The following ITGBL1 variants were observed in gnomAD, a reference collection of about 807,000 sequenced individuals.
ITGBL1 encodes integrin beta-like protein 1.
Under a neutral mutation model 68.5 loss-of-function variants are expected in ITGBL1, and 51 were observed. The observed-to-expected ratio is 0.74, with a 90% CI of 0.59 to 0.94. The LOEUF is 0.94. Among genes scored for constraint, ITGBL1 ranks in the 40% least tolerant of loss-of-function variants. The pLI is 0.00. For missense variants in ITGBL1, 649 were observed against 647.4 expected, an observed-to-expected ratio of 1.00 and a Z score of -0.03; for synonymous variants, 209 against 227.3, an observed-to-expected ratio of 0.92 and a Z score of 0.72.
chr13:101,626,187 G>A (rs2031771139), intron 7 of ITGBL1, among the ~76,000 whole-genome samples: 1 of 56,868 alleles, frequency 1.8e-5, no homozygotes, highest in African/African-American at 1.0e-4. Flanking sequence ...AGAGATCCCA[G>A]GTGATTTGTA....
intron 7 of ITGBL1, among the ~76,000 whole-genome samples, chr13:101,617,119 T>C (rs2031396820): frequency 6.6e-6 from 1 of 152,212 alleles, no homozygotes; most frequent in African/African-American, 2.4e-5. Context: ...CAATATATTA[T>C]TTTGAGCTAC....
intron 2 of ITGBL1, among the ~76,000 whole-genome samples, chr13:101,535,804 T>G (rs921272409): frequency 2.0e-5 from 3 of 152,144 alleles, no homozygotes; most frequent in Admixed American, 2.0e-4. Context: ...TTGCAAAATT[T>G]TGCAATTCGA....
At chr13:101,704,068 A>G (rs1261269986) in intron 8 of ITGBL1, among the ~76,000 whole-genome samples, 3 of 148,454 alleles carry the variant, frequency 2.0e-5, no homozygotes, top group Non-Finnish European at 4.4e-5. Context: ...TTGTGATTAA[A>G]TCTATACTGA....
intron 7 of ITGBL1, among the ~76,000 whole-genome samples, chr13:101,607,658 A>G (rs2030934382): frequency 6.6e-6 from 1 of 152,070 alleles, no homozygotes; most frequent in Admixed American, 6.6e-5. Context: ...AGTCCAATTT[A>G]TAATCTCTAA....
intron 2 of ITGBL1, among the ~76,000 whole-genome samples, chr13:101,476,751 A>C (rs1172199327): frequency 6.6e-6 from 1 of 152,168 alleles, no homozygotes; most frequent in Non-Finnish European, 1.5e-5. Flanking sequence ...TATAAGAGGC[A>C]AGTTTATTAT....
intron 10 of ITGBL1, 119 bp from the exon 11 acceptor site, chr13:101,715,441 TAAG>T: frequency 1.3e-6 from 1 of 750,572 alleles, no homozygotes; most frequent in Non-Finnish European, 2.4e-6. Flanking sequence ...CATTGCACAA[TAAG>T]AAAATCTACC....
chr13:101,501,756 T>C (rs1174246111), intron 2 of ITGBL1, among the ~76,000 whole-genome samples: 1 of 152,158 alleles, frequency 6.6e-6, no homozygotes, highest in Admixed American at 6.5e-5. Flanking sequence ...ATAATGTTGA[T>C]TGTTGTGTTC....
chr13:101,536,177 T>A (rs2049572822), intron 2 of ITGBL1, among the ~76,000 whole-genome samples: 1 of 151,954 alleles, frequency 6.6e-6, no homozygotes, highest in Non-Finnish European at 1.5e-5. Context: ...TTAAAAGGAC[T>A]CTGCGTGGCA....
chr13:101,528,458 T>G (rs2049418030), intron 2 of ITGBL1, among the ~76,000 whole-genome samples: 1 of 151,884 alleles, frequency 6.6e-6, no homozygotes, highest in South Asian at 2.1e-4. Flanking sequence ...CTCTATAGTT[T>G]GTTTTTTTAT....
At chr13:101,537,162 A>G (rs2049593011) in intron 2 of ITGBL1, among the ~76,000 whole-genome samples, 1 of 152,032 alleles carries the variant, frequency 6.6e-6, no homozygotes, top group South Asian at 2.1e-4. Flanking sequence ...GAAATTCATC[A>G]TATTCTAATC....
intron 1 of ITGBL1, 83 bp from the exon 2 acceptor site, chr13:101,453,800 A>T (rs2048196756): frequency 1.1e-6 from 1 of 883,586 alleles, no homozygotes; most frequent in South Asian, 5.7e-5. Context: ...CCTGGAGGGG[A>T]CACTGGGGAG....
intron 7 of ITGBL1, among the ~76,000 whole-genome samples, chr13:101,670,763 G>A (rs542887137): frequency 3.3e-5 from 5 of 152,258 alleles, no homozygotes; most frequent in Admixed American, 1.3e-4. Flanking sequence ...GTTATTAAAC[G>A]AATTAGGCTT....
intron 3 of ITGBL1, 91 bp from the exon 4 acceptor site, chr13:101,575,333 A>T (rs2050339097): frequency 8.3e-7 from 1 of 1,204,872 alleles, no homozygotes; most frequent in Non-Finnish European, 1.2e-6. Flanking sequence ...GATTTGGATT[A>T]TCTACTCTCT....
intron 7 of ITGBL1, among the ~76,000 whole-genome samples, chr13:101,658,980 A>T (rs2033007149): frequency 6.6e-6 from 1 of 151,902 alleles, no homozygotes; most frequent in South Asian, 2.1e-4. Flanking sequence ...TACAGCACTA[A>T]CAAGTTTCTA....
chr13:101,485,709 G>T (rs561490474), intron 2 of ITGBL1, among the ~76,000 whole-genome samples: 1 of 152,016 alleles, frequency 6.6e-6, no homozygotes, highest in African/African-American at 2.4e-5. Context: ...GGAGAATGGC[G>T]TGAACCCGGG....
intron 2 of ITGBL1, among the ~76,000 whole-genome samples, chr13:101,535,281 A>G (rs78004571): frequency 0.025 from 3,767 of 152,180 alleles, 70 homozygotes; most frequent in Middle Eastern, 0.041. Context: ...CCAGCAGAAG[A>G]CTAGGAAAAG....
chr13:101,583,741 C>A (rs1263213513), intron 6 of ITGBL1, among the ~76,000 whole-genome samples: 2 of 152,216 alleles, frequency 1.3e-5, no homozygotes, highest in Non-Finnish European at 2.9e-5. Context: ...CTGATTCTCA[C>A]ATACCCTGTA....
At chr13:101,673,698 G>T (rs546796655) in intron 7 of ITGBL1, among the ~76,000 whole-genome samples, 18 of 151,994 alleles carry the variant, frequency 1.2e-4, no homozygotes, top group Admixed American at 2.0e-4. Flanking sequence ...TATAAACTTT[G>T]TACTTATTGC....
At chr13:101,575,964 GC>G (rs1271952931) in intron 4 of ITGBL1, among the ~76,000 whole-genome samples, 2 of 152,146 alleles carry the variant, frequency 1.3e-5, no homozygotes, top group African/African-American at 4.8e-5. Context: ...AGGGTTATTA[GC>G]CTAGAGTTTA....
Sources: gnomAD v4.1 joint callset for allele counts (sites outside exome capture counted in the v4.1 genomes callset) on GRCh38, gnomAD v4.1.1 for gene constraint, MANE v1.5 for transcripts, NCBI Gene and HGNC (gene_info 2026-07-23, HGNC 2026-07-21) for gene names.